GML: variants seen among roughly 807,000 people sequenced by gnomAD.
The protein encoded by GML is glycosyl-phosphatidylinositol-anchored molecule-like protein.
In GML, 5 loss-of-function variants were observed where a neutral mutation model predicts 8.2. That is an observed-to-expected ratio of 0.61 (90% CI 0.32 to 1.28). The LOEUF (loss-of-function observed/expected upper bound fraction) is 1.28. GML is among the 50% of genes most tolerant of loss of function. GML has a pLI of 0.06. For synonymous variants in GML, 72 were observed against 69.0 expected, an observed-to-expected ratio of 1.04 and a Z score of -0.22; for missense variants, 191 against 198.3, an observed-to-expected ratio of 0.96 and a Z score of 0.22.
chr8:142,844,657 A>G (rs1355747178), intron 3 of GML, among the ~76,000 whole-genome samples: 1 of 152,254 alleles, frequency 6.6e-6, no homozygotes, highest in Non-Finnish European at 1.5e-5. Context: ...GGAATTTGCC[A>G]GAAAATGGTG....
chr8:142,846,447 A>G lies in GML; in HGVS notation c.234A>G (p.Thr78=). 6.2e-7 allele frequency: 1 copy of G among 1,612,640 alleles called. No homozygotes were observed. Among genetic ancestry groups the G allele is most frequent in the Non-Finnish European group, 8.5e-7 (1 of 1,178,590 alleles). Residue 78 remains threonine (T), a synonymous_variant, in exon 4 of 4, where the codon ACA becomes ACG. Coordinates refer to ENST00000220940, the MANE Select transcript of GML (RefSeq NM_002066.3). ...ATAAGAACTGTACAAACAACTGCAC[A>G]TTTGTATATGCAGCTGAACAGCCTC... ...LVYKNCTNNC[T]FVYAAEQPPE... is the part of the protein sequence containing the mutation.
intron 1 of GML, among the ~76,000 whole-genome samples, chr8:142,839,296 G>A (rs1169746922): frequency 6.6e-6 from 1 of 152,182 alleles, no homozygotes; most frequent in Non-Finnish European, 1.5e-5. Flanking sequence ...CATGCCAGAG[G>A]TACCAGCCCA....
chr8:142,840,341 G>A (rs1054225635), intron 1 of GML, 75 bp from the exon 2 acceptor site: 36 of 918,126 alleles, frequency 3.9e-5, no homozygotes, highest in Admixed American at 9.0e-5. Context: ...TCATGAGGCC[G>A]TTGAGGCCAG....
chr8:142,835,959 TAATA>T (rs769325022), intron 1 of GML, among the ~76,000 whole-genome samples: 31 of 152,276 alleles, frequency 2.0e-4, no homozygotes, highest in Non-Finnish European at 3.8e-4. Context: ...GGTCTGCTGA[TAATA>T]AGATATTCCT....
intron 1 of GML, among the ~76,000 whole-genome samples, chr8:142,839,481 G>A (rs186639772): frequency 4.6e-5 from 7 of 152,294 alleles, no homozygotes; most frequent in South Asian, 4.1e-4. Context: ...TGTAGCCCCA[G>A]CTGCTCCTGC....
At chr8:142,841,685 CAG>C (rs1350479694) in intron 3 of GML, among the ~76,000 whole-genome samples, 1 of 152,212 alleles carries the variant, frequency 6.6e-6, no homozygotes, top group African/African-American at 2.4e-5. Flanking sequence ...AGCATGAGGT[CAG>C]GGCACAGCCT....
chr8:142,840,316 CAG>C, intron 1 of GML, 98 bp from the exon 2 acceptor site: 1 of 718,822 alleles, frequency 1.4e-6, no homozygotes, highest in South Asian at 1.7e-5. Context: ...TTCAGGTGGG[CAG>C]AGTCAGGGAG....
chr8:142,845,947 A>G (rs1442307568), intron 3 of GML, among the ~76,000 whole-genome samples: 2 of 152,224 alleles, frequency 1.3e-5, no homozygotes, highest in Non-Finnish European at 2.9e-5. Flanking sequence ...GGTCTTGCCA[A>G]CTGCAGAAAA....
At chr8:142,835,145 G>A (rs914574274) in intron 1 of GML, among the ~76,000 whole-genome samples, 1 of 151,842 alleles carries the variant, frequency 6.6e-6, no homozygotes, top group Non-Finnish European at 1.5e-5. Flanking sequence ...GGGTCCCAGG[G>A]AGACCCCCTA....
At position 142,846,836 on chromosome 8, in the gene GML, A is replaced by T; in HGVS notation, c.*146A>T. The T allele has an allele frequency of 1.6e-6, 1 of 613,634 alleles. No homozygotes were observed. The highest frequency in any genetic ancestry group is 2.1e-5 in the South Asian group (1 of 48,048). The allele number at this position is 613,634 out of a possible 1,614,324, so 38.0% of individuals were successfully genotyped here. On this transcript the variant is annotated 3_prime_UTR_variant, in exon 4 of 4. Transcript: ENST00000220940. Reference sequence around the variant, plus strand: ...TTTGTTGTAAGAGAAAAATTAAAAAAATATTGTTTAGTGGAGATGTTCATG... The same window carrying T: ...TTTGTTGTAAGAGAAAAATTAAAAATATATTGTTTAGTGGAGATGTTCATG...
chr8:142,836,039 C>T (rs1401048279), intron 1 of GML, among the ~76,000 whole-genome samples: 4 of 152,252 alleles, frequency 2.6e-5, no homozygotes, highest in African/African-American at 9.6e-5. Flanking sequence ...TTCCGTTTCA[C>T]GGTTCCTGAG....
At position 142,836,247 on chromosome 8, in the gene GML, G is replaced by A. The variant is rs374861576; in HGVS notation, c.-23+1379G>A. ...TAGGGTGGGACTGAGCCCTTCACCT[G>A]TGGGGTCTGCCCTGCTCAAGGCAGT... On this transcript the variant is annotated intron_variant, in intron 1 of 3. Coordinates refer to ENST00000220940, the MANE Select transcript of GML (RefSeq NM_002066.3). 3.3e-5 allele frequency among the ~76,000 whole-genome samples: 5 copies of A among 152,280 alleles called. No homozygotes were observed. The East Asian group carries it at 5.8e-4, about 18-fold the overall frequency.
intron 2 of GML, 76 bp from the exon 3 acceptor site, chr8:142,841,042 A>C: frequency 1.3e-6 from 1 of 787,716 alleles, no homozygotes; most frequent in South Asian, 1.4e-5. Context: ...CCGTTGAAGA[A>C]GGGTGGAGTG....
At chr8:142,835,278 C>CTCA (rs759865723) in intron 1 of GML, among the ~76,000 whole-genome samples, 1 of 124,238 alleles carries the variant, frequency 8.0e-6, no homozygotes, top group Non-Finnish European at 1.7e-5. Flanking sequence ...CTCCGCTTCC[C>CTCA]TGGGGCCCCC....
At chr8:142,839,291 C>T (rs1371861702) in intron 1 of GML, among the ~76,000 whole-genome samples, 3 of 152,184 alleles carry the variant, frequency 2.0e-5, no homozygotes, top group Non-Finnish European at 2.9e-5. Flanking sequence ...TCCTGCATGC[C>T]AGAGGTACCA....
At position 142,839,981 on chromosome 8, in the gene GML, G is replaced by A. The variant is rs75904991; in HGVS notation, c.-22-435G>A. Among the ~76,000 whole-genome samples the A allele has an allele frequency of 3.3e-3, 506 of 151,594 alleles. 10 individuals are homozygous for A. The highest frequency in any genetic ancestry group is 0.012 in the African/African-American group (489 of 41,520). On this transcript the variant is annotated intron_variant, in intron 1 of 3. Coordinates refer to ENST00000220940, the MANE Select transcript of GML (RefSeq NM_002066.3). ...CCCTTCTGTAGTCACCTTGGCCCTCGTGTTGCTGAGCTGTGTGTGGGAGCG... is the reference window on the plus strand; with the variant it reads ...CCCTTCTGTAGTCACCTTGGCCCTCATGTTGCTGAGCTGTGTGTGGGAGCG...
chr8:142,843,255 TACACACACAC>T (rs55778635), intron 3 of GML, among the ~76,000 whole-genome samples: 42,647 of 140,010 alleles, frequency 0.3, 7,569 homozygotes, highest in Non-Finnish European at 0.42. Flanking sequence ...AAAAGGTTCA[TACACACACAC>T]ACACACACAC....
Position 142,836,564 on chromosome 8 carries a change from A to T in GML, c.-23+1696A>T, listed in dbSNP as rs570945131. 1.7e-4 allele frequency among the ~76,000 whole-genome samples: 26 copies of T among 152,294 alleles called. 1 individual carries two copies. The South Asian group carries it at 5.4e-3, about 32-fold the overall frequency. On this transcript the variant is annotated intron_variant, in intron 1 of 3. Coordinates refer to ENST00000220940, the MANE Select transcript of GML (RefSeq NM_002066.3). ...GTGGGTTTATTTCTATTGTTGTTTT[A>T]TTGATTAGCAATAATTTATTCCTAA...
At chr8:142,840,388 C>T (rs3750246) in intron 1 of GML, 28 bp from the exon 2 acceptor site, 530,508 of 1,384,700 alleles carry the variant, frequency 0.38, 106,170 homozygotes, top group Admixed American at 0.41. Flanking sequence ...GGCTCACTAA[C>T]GTGTTGTATG....
Sources: gnomAD v4.1 joint callset for allele counts (sites outside exome capture counted in the v4.1 genomes callset) on GRCh38, gnomAD v4.1.1 for gene constraint, MANE v1.5 for transcripts, NCBI Gene and HGNC (gene_info 2026-07-23, HGNC 2026-07-21) for gene names.